Variants in HSF2 observed in about 807,000 individuals in gnomAD.
HSF2 encodes heat shock factor protein 2.
Under a neutral mutation model 65.0 loss-of-function variants are expected in HSF2, and 21 were observed. The observed-to-expected ratio is 0.32, with a 90% confidence interval of 0.23 to 0.47. HSF2 has a LOEUF of 0.47. Among genes scored for constraint, HSF2 ranks in the 20% least tolerant of loss-of-function variants. The pLI is 1.00. For missense variants in HSF2, 499 were observed against 628.1 expected (o/e 0.79, Z 2.20); for synonymous variants, 225 against 219.1 (o/e 1.03, Z -0.24).
rs952591415 is a variant in HSF2 at position 122,422,963 on chromosome 6, T to G, written c.1070+6T>G. ...AACATCAATCTTTTGGGAAAGTGAG[T>G]GCTTATCTAGATGTTGTCTAAAATT... is the stretch of plus-strand genomic sequence containing the variant. On this transcript the variant is annotated splice_donor_region_variant and intron_variant, in intron 9 of 12. Transcript: ENST00000368455. The G allele has an allele frequency of 6.2e-7, 1 of 1,613,042 alleles. No homozygotes were observed. Among genetic ancestry groups the G allele is most frequent in the Admixed American group, 1.7e-5 (1 of 59,882 alleles).
intron 8 of HSF2, 83 bp from the exon 9 acceptor site, chr6:122,422,635 G>C: frequency 7.2e-7 from 1 of 1,396,796 alleles, no homozygotes; most frequent in Non-Finnish European, 1.0e-6. Context: ...TATGGGGAGA[G>C]AGTTTCCATT....
At chr6:122,419,276 A>G (rs772123784) in intron 6 of HSF2, 47 bp downstream of exon 6, 1 of 904,112 alleles carries the variant, frequency 1.1e-6, no homozygotes. Context: ...AGGCAGTCAC[A>G]CTTTTTAGTG....
intron 6 of HSF2, 44 bp downstream of exon 6, chr6:122,419,273 C>A: frequency 1.0e-6 from 1 of 954,046 alleles, no homozygotes; most frequent in Non-Finnish European, 1.6e-6. Flanking sequence ...TATAGGCAGT[C>A]ACACTTTTTA....
chr6:122,425,639 CCT>C (rs1774323358), intron 10 of HSF2, among the ~76,000 whole-genome samples: 1 of 151,760 alleles, frequency 6.6e-6, no homozygotes, highest in Non-Finnish European at 1.5e-5. Flanking sequence ...TTGTTCTCTC[CCT>C]GTCTCCCTAA....
At chr6:122,401,133 T>C (rs1031545594) in intron 1 of HSF2, among the ~76,000 whole-genome samples, 8 of 152,216 alleles carry the variant, frequency 5.3e-5, no homozygotes, top group Admixed American at 2.6e-4. Flanking sequence ...GTTATCCTTT[T>C]AGCCCCACTC....
chr6:122,428,371 C>G (rs997130250), intron 11 of HSF2, among the ~76,000 whole-genome samples: 32 of 151,818 alleles, frequency 2.1e-4, no homozygotes, highest in African/African-American at 7.5e-4. Context: ...AGTAAAAATT[C>G]AGGAATTCTT....
chr6:122,432,088 A>G lies in HSF2; in HGVS notation c.1479A>G (p.Pro493=), dbSNP rs370359244. ...VDELLDSSLD[P]EPTQSKLVRL... Reference sequence around the variant, plus strand: ...AGCTTCTGGATAGCAGCCTAGACCCAGAACCAACCCAAAGTAAGCTTGTTC... The same window carrying G: ...AGCTTCTGGATAGCAGCCTAGACCCGGAACCAACCCAAAGTAAGCTTGTTC... The change falls in exon 13 of 13, where the codon CCA becomes CCG. Residue 493 remains proline (P), a synonymous_variant. Transcript: ENST00000368455. 35 of 1,614,160 alleles carry G rather than the reference A, an allele frequency of 2.2e-5. No homozygotes were observed. The African/African-American group carries it at 4.7e-4, about 22-fold the overall frequency.
At chr6:122,426,776 T>G (rs1774347897) in intron 10 of HSF2, among the ~76,000 whole-genome samples, 1 of 152,050 alleles carries the variant, frequency 6.6e-6, no homozygotes, top group South Asian at 2.1e-4. Context: ...TTTGGTGTGT[T>G]CATTCTCATA....
intron 1 of HSF2, among the ~76,000 whole-genome samples, chr6:122,409,639 CATT>C (rs1449657827): frequency 6.6e-6 from 1 of 151,920 alleles, no homozygotes; most frequent in Non-Finnish European, 1.5e-5. Flanking sequence ...AAGGGAAAAT[CATT>C]ATTTGTTTTG....
Position 122,422,672 on chromosome 6 carries a change from T to C in HSF2, c.831-46T>C, listed in dbSNP as rs368381387. On this transcript the variant is annotated intron_variant, in intron 8 of 12. Transcript: ENST00000368455. ...AGAATGAATGGATAGTATGAACTTA[T>C]TAAATTTGAAAATGTAATAGGTTCC... 154 of 1,596,380 alleles carry C rather than the reference T, an allele frequency of 9.6e-5. 1 individual carries two copies. Among genetic ancestry groups the C allele is most frequent in the South Asian group, 6.8e-4 (61 of 90,310 alleles).
intron 11 of HSF2, among the ~76,000 whole-genome samples, chr6:122,429,615 A>G (rs2114456632): frequency 6.6e-6 from 1 of 151,942 alleles, no homozygotes; most frequent in South Asian, 2.1e-4. Context: ...GGGAAATGAA[A>G]TCTCATTCAG....
chr6:122,412,474 G>A lies in HSF2; in HGVS notation c.195G>A (p.Leu65=). 1 of 1,594,746 alleles carries A rather than the reference G, an allele frequency of 6.3e-7. No individual in the cohort carries two copies. The highest frequency in any genetic ancestry group is 8.6e-7 in the Non-Finnish European group (1 of 1,162,714). The change falls in exon 2 of 13, where the codon CTG becomes CTA. Residue 65 remains leucine (L), a synonymous_variant. Coordinates refer to ENST00000368455, the MANE Select transcript of HSF2 (RefSeq NM_004506.4). ...HNNMASFVRQ[L]NMYGFRKVVH... is the part of the protein sequence containing the mutation. ...ATATGGCAAGCTTTGTGAGGCAACTGAATATGTGTGAGTATGGACAGCAGT... is the reference window on the plus strand; with the variant it reads ...ATATGGCAAGCTTTGTGAGGCAACTAAATATGTGTGAGTATGGACAGCAGT...
At chr6:122,412,308 A>C (rs1774016132) in intron 1 of HSF2, 65 bp from the exon 2 acceptor site, 8 of 927,654 alleles carry the variant, frequency 8.6e-6, no homozygotes, top group Middle Eastern at 3.3e-4. Context: ...GGATGTATAA[A>C]TATATCACCA....
intron 1 of HSF2, among the ~76,000 whole-genome samples, chr6:122,410,082 AG>A (rs1418867587): frequency 6.6e-6 from 1 of 151,948 alleles, no homozygotes; most frequent in Non-Finnish European, 1.5e-5. Context: ...TGTATTGGGT[AG>A]GGTTAAAATA....
At chr6:122,409,780 A>G (rs1773948716) in intron 1 of HSF2, among the ~76,000 whole-genome samples, 2 of 152,018 alleles carry the variant, frequency 1.3e-5, no homozygotes, top group South Asian at 2.1e-4. Flanking sequence ...AGCAGTCTCC[A>G]TGGATAAATT....
rs768281330 is a variant in HSF2, at chr6:122,416,322, A to G, written c.531+26A>G. The G allele has an allele frequency of 1.2e-5, 18 of 1,536,058 alleles. No homozygotes were observed. The East Asian group carries it at 3.6e-4, about 31-fold the overall frequency. ...GTAAGAAGCTCTTTTCCCCAGGACC[A>G]TAATTTGCATTTGTTTAATGAGTAC... On this transcript the variant is annotated intron_variant, in intron 5 of 12. Coordinates refer to ENST00000368455, the MANE Select transcript of HSF2 (RefSeq NM_004506.4).
chr6:122,431,964 C>T lies in HSF2; in HGVS notation c.1355C>T (p.Ala452Val). Reference protein sequence around the residue: ...LIQYTAFPLLAFLDGNPASSV... With the variant: ...LIQYTAFPLLVFLDGNPASSV... The stretch of plus-strand genomic sequence containing the variant: ...CAGTATACCGCCTTTCCACTTCTTG[C>T]ATTCCTCGATGGGAACCCTGCTTCT... Residue 452 changes from alanine (A) to valine (V), a missense_variant, in exon 13 of 13, where the codon GCA (alanine) becomes GTA (valine). Ala to Val is a moderately conservative substitution (Grantham distance 64). Coordinates refer to ENST00000368455, the MANE Select transcript of HSF2 (RefSeq NM_004506.4). The T allele has an allele frequency of 6.2e-7, 1 of 1,613,992 alleles. No homozygotes were observed. Among genetic ancestry groups the T allele is most frequent in the Non-Finnish European group, 8.5e-7 (1 of 1,179,928 alleles).
chr6:122,422,726 A>C lies in HSF2; in HGVS notation c.839A>C (p.Gln280Pro), dbSNP rs775005039. The C allele has an allele frequency of 1.2e-6, 2 of 1,613,382 alleles. No homozygotes were observed. Among genetic ancestry groups the C allele is most frequent in the East Asian group, 4.5e-5 (2 of 44,870 alleles). The stretch of plus-strand genomic sequence containing the variant: ...TTTTATTGCTGATTTAGCTGTAGCC[A>C]GTACCCTGATATTGTCATCGTTGAA... The part of the protein sequence containing the change: ...DVISDPSNCS[Q>P]YPDIVIVEDD... The change falls in exon 9 of 13, where the codon CAG becomes CCG. Residue 280 changes from glutamine to proline, a missense_variant. By Grantham distance (76) the Gln-to-Pro change is moderately conservative. Coordinates refer to ENST00000368455, the MANE Select transcript of HSF2 (RefSeq NM_004506.4).
intron 11 of HSF2, among the ~76,000 whole-genome samples, chr6:122,428,286 AT>A (rs1049761143): frequency 6.6e-6 from 1 of 151,802 alleles, no homozygotes; most frequent in African/African-American, 2.4e-5. Flanking sequence ...TTACATTCTT[AT>A]TTTTCCTATT....
Sources: allele counts gnomAD v4.1 joint callset (sites outside exome capture counted in the v4.1 genomes callset), GRCh38; gene constraint gnomAD v4.1.1; transcripts MANE v1.5; gene names NCBI Gene and HGNC (gene_info 2026-07-23, HGNC 2026-07-21).